PHACTR1: variants seen among roughly 807,000 people sequenced by gnomAD.
The protein encoded by PHACTR1 is phosphatase and actin regulator 1.
Under a neutral mutation model 69.2 loss-of-function variants are expected in PHACTR1, and 16 were observed. The ratio of observed to expected loss-of-function variants is 0.23; its 90% CI spans 0.16 to 0.35. PHACTR1 has a LOEUF of 0.35. PHACTR1 is among the 10% of genes least tolerant of loss of function. The probability of loss-of-function intolerance (pLI) is 1.00; values close to 1 mark genes in which losing one functional copy is unlikely to be tolerated. For missense variants in PHACTR1, 510 were observed against 734.7 expected (o/e 0.69, Z 3.54); for synonymous variants, 312 against 284.5 (o/e 1.10, Z -0.97).
chr6:12,984,007 A>G (rs372337223), intron 4 of PHACTR1, among the ~76,000 whole-genome samples: 3 of 152,324 alleles, frequency 2.0e-5, no homozygotes, highest in East Asian at 3.9e-4. Context: ...CAATAAACAT[A>G]CATGTGCATG....
chr6:12,717,222 T>C (rs1232345081), intron 1 of PHACTR1, among the ~76,000 whole-genome samples: 1 of 152,142 alleles, frequency 6.6e-6, no homozygotes, highest in African/African-American at 2.4e-5. Flanking sequence ...AGCATTAGGG[T>C]AATAACTGGT....
intron 4 of PHACTR1, among the ~76,000 whole-genome samples, chr6:12,990,919 A>G (rs1352218080): frequency 6.6e-6 from 1 of 151,992 alleles, no homozygotes. Context: ...TATAGTCTCC[A>G]ATGCTCTGTT....
intron 4 of PHACTR1, among the ~76,000 whole-genome samples, chr6:12,914,678 G>C (rs1279363615): frequency 6.6e-6 from 1 of 152,006 alleles, no homozygotes; most frequent in Non-Finnish European, 1.5e-5. Context: ...TGCTCTCTCA[G>C]GGGGAGCAAT....
At chr6:12,933,031 G>C (rs1789039105) in intron 4 of PHACTR1, among the ~76,000 whole-genome samples, 2 of 150,466 alleles carry the variant, frequency 1.3e-5, no homozygotes, top group Non-Finnish European at 2.9e-5. Flanking sequence ...CGCCTCCTGA[G>C]TTCAAGTGAT....
chr6:12,739,679 A>G (rs1764781819), intron 3 of PHACTR1, among the ~76,000 whole-genome samples: 1 of 152,126 alleles, frequency 6.6e-6, no homozygotes, highest in South Asian at 2.1e-4. Context: ...ACTTGACCAC[A>G]GGCACGTACC....
chr6:13,175,928 A>T (rs9463505), intron 6 of PHACTR1, among the ~76,000 whole-genome samples: 1 of 152,026 alleles, frequency 6.6e-6, no homozygotes, highest in African/African-American at 2.4e-5. Context: ...CAACTGGGAA[A>T]GTCTGAGTCT....
At chr6:13,196,864 G>T (rs1764510661) in intron 7 of PHACTR1, among the ~76,000 whole-genome samples, 1 of 152,170 alleles carries the variant, frequency 6.6e-6, no homozygotes, top group Non-Finnish European at 1.5e-5. Flanking sequence ...AAGCCTCTCT[G>T]CTCTATTACT....
At chr6:13,263,138 C>T (rs1282832394) in intron 10 of PHACTR1, among the ~76,000 whole-genome samples, 1 of 152,092 alleles carries the variant, frequency 6.6e-6, no homozygotes, top group Non-Finnish European at 1.5e-5. Flanking sequence ...GACAATGCTG[C>T]CTGCTCTGCA....
chr6:12,928,130 T>G (rs1788466600), intron 4 of PHACTR1, among the ~76,000 whole-genome samples: 1 of 152,104 alleles, frequency 6.6e-6, no homozygotes, highest in Admixed American at 6.6e-5. Flanking sequence ...ATCATGCCAG[T>G]CCCAGCATGC....
intron 5 of PHACTR1, among the ~76,000 whole-genome samples, chr6:13,094,283 T>A (rs1307292946): frequency 2.1e-5 from 3 of 141,368 alleles, no homozygotes; most frequent in African/African-American, 5.2e-5. Flanking sequence ...TATTATTTTT[T>A]AAAAATGATA....
chr6:12,979,753 A>G (rs1795292638), intron 4 of PHACTR1, among the ~76,000 whole-genome samples: 1 of 151,448 alleles, frequency 6.6e-6, no homozygotes, highest in African/African-American at 2.4e-5. Flanking sequence ...ACCCCACACA[A>G]CTAAGTTACA....
In PHACTR1 at chr6:12,936,780, C is replaced by A. The variant is rs527999109; in HGVS notation, c.251-116585C>A. 8.5e-5 allele frequency among the ~76,000 whole-genome samples: 13 copies of A among 152,308 alleles called. No homozygotes were observed. The South Asian group carries it at 2.7e-3, about 32-fold the overall frequency. ...GATTTAGGCATGTAATTTGCATTCA[C>A]AAAATTAAAAAGAAGGCAAAAAGAC... On this transcript the variant is annotated intron_variant, in intron 4 of 14. Coordinates refer to ENST00000332995, the MANE Select transcript of PHACTR1 (RefSeq NM_030948.6).
intron 10 of PHACTR1, among the ~76,000 whole-genome samples, chr6:13,256,084 C>T (rs1775157106): frequency 6.6e-6 from 1 of 152,234 alleles, no homozygotes; most frequent in Non-Finnish European, 1.5e-5. Flanking sequence ...AAAGTCTAGG[C>T]CTCAACTCTT....
chr6:13,079,984 G>A (rs1379218914), intron 5 of PHACTR1, among the ~76,000 whole-genome samples: 1 of 152,048 alleles, frequency 6.6e-6, no homozygotes, highest in African/African-American at 2.4e-5. Context: ...CAGAGAAACG[G>A]CGTGTAACCA....
rs1468300910 is a variant in PHACTR1 at position 13,179,768 on chromosome 6, T to C, written c.497-2751T>C. ...GATAGACAGAACAAGGTTATCAATATTAATGTTGAAGAAATTGCCAAAAGC... is the reference window on the plus strand; with the variant it reads ...GATAGACAGAACAAGGTTATCAATACTAATGTTGAAGAAATTGCCAAAAGC... On this transcript the variant is annotated intron_variant, in intron 6 of 14. Coordinates refer to ENST00000332995, the MANE Select transcript of PHACTR1 (RefSeq NM_030948.6). The surrounding 1 kb of genome is among the most constrained non-coding windows in gnomAD (Gnocchi z 4.2). Among the ~76,000 whole-genome samples, 1 of 149,938 alleles carries C rather than the reference T, an allele frequency of 6.7e-6. No individual in the cohort carries two copies. The highest frequency in any genetic ancestry group is 1.5e-5 in the Non-Finnish European group (1 of 67,972).
chr6:12,977,480 G>A (rs1003121551), intron 4 of PHACTR1, among the ~76,000 whole-genome samples: 10 of 151,684 alleles, frequency 6.6e-5, no homozygotes, highest in African/African-American at 2.4e-4. Flanking sequence ...ATCACTATAT[G>A]TAATAGCTTC....
chr6:13,042,962 A>G (rs1407141384), intron 4 of PHACTR1, among the ~76,000 whole-genome samples: 1 of 152,216 alleles, frequency 6.6e-6, no homozygotes, highest in Non-Finnish European at 1.5e-5. Context: ...TAGTGTAAGT[A>G]AAAAAGAGAA....
chr6:13,172,425 G>A (rs9473587), intron 6 of PHACTR1, among the ~76,000 whole-genome samples: 9,222 of 152,200 alleles, frequency 0.061, 758 homozygotes, highest in African/African-American at 0.18. Context: ...CCGGGAGACA[G>A]GCACCACACA....
intron 4 of PHACTR1, among the ~76,000 whole-genome samples, chr6:12,764,043 G>C (rs946307569): frequency 2.0e-5 from 3 of 152,134 alleles, no homozygotes; most frequent in Non-Finnish European, 4.4e-5. Context: ...TCCACACAGA[G>C]TTGAAATGGT....
Sources: allele counts gnomAD v4.1 joint callset (sites outside exome capture counted in the v4.1 genomes callset), GRCh38; gene constraint gnomAD v4.1.1; non-coding constraint Gnocchi (gnomAD v3.1); transcripts MANE v1.5; gene names NCBI Gene and HGNC (gene_info 2026-07-23, HGNC 2026-07-21).